The following GSKIP variants were observed in gnomAD, a reference collection of about 807,000 sequenced individuals.
GSKIP encodes GSK3B interacting protein.
Under a neutral mutation model 11.9 loss-of-function variants are expected in GSKIP, and 5 were observed. The observed-to-expected ratio is 0.42, with a 90% CI of 0.22 to 0.89. The LOEUF (loss-of-function observed/expected upper bound fraction) is 0.89. Ranked by LOEUF, GSKIP falls within the 40% of genes least tolerant of loss-of-function variation. The pLI is 0.29. For missense variants in GSKIP, 150 were observed against 166.6 expected (o/e 0.90, Z 0.55); for synonymous variants, 70 against 62.9 (o/e 1.11, Z -0.54).
chr14:96,369,862 G>A (rs1888995973), intron 1 of GSKIP, among the ~76,000 whole-genome samples: 1 of 152,142 alleles, frequency 6.6e-6, no homozygotes, highest in South Asian at 2.1e-4. Context: ...GAACAGGGAT[G>A]CCATGGGGAC....
chr14:96,386,208 A>G lies in GSKIP; in HGVS notation c.*524A>G, dbSNP rs975245473. The G allele has an allele frequency of 6.6e-6, 1 of 152,448 alleles. No homozygotes were observed. The highest frequency in any genetic ancestry group is 1.5e-5 in the Non-Finnish European group (1 of 68,060). The allele number at this position is 152,448 out of a possible 1,614,324, so 9.4% of individuals were successfully genotyped here. A position where few individuals can be genotyped will look rare whatever the true frequency, so the allele number is the denominator to read the frequency against. On this transcript the variant is annotated 3_prime_UTR_variant, in exon 4 of 4. Transcript: ENST00000555181. Reference sequence around the variant, plus strand: ...TCACTGCTTCACTTAATCTATTTATATTACTAATAATGGATTAATAAAGAT... The same window carrying G: ...TCACTGCTTCACTTAATCTATTTATGTTACTAATAATGGATTAATAAAGAT...
At chr14:96,382,208 A>G (rs969402453) in intron 2 of GSKIP, 39 bp from the exon 3 acceptor site, 5 of 1,472,416 alleles carry the variant, frequency 3.4e-6, no homozygotes, top group Middle Eastern at 2.0e-4. Flanking sequence ...ATGTCTTTCT[A>G]TAAACAAATT....
At chr14:96,368,876 A>G (rs1364541460) in intron 1 of GSKIP, among the ~76,000 whole-genome samples, 1 of 152,234 alleles carries the variant, frequency 6.6e-6, no homozygotes, top group African/African-American at 2.4e-5. Flanking sequence ...AAGAGACTTG[A>G]AAATGCGGAA....
chr14:96,376,542 G>A (rs1384630537), intron 1 of GSKIP, among the ~76,000 whole-genome samples: 2 of 152,124 alleles, frequency 1.3e-5, no homozygotes, highest in Admixed American at 1.3e-4. Context: ...ACCTTATTTT[G>A]TAGATGAGAC....
At chr14:96,373,991 A>G (rs977747314) in intron 1 of GSKIP, among the ~76,000 whole-genome samples, 6 of 152,254 alleles carry the variant, frequency 3.9e-5, no homozygotes, top group African/African-American at 1.4e-4. Flanking sequence ...GAGCAGCAGA[A>G]TATAACCTAC....
chr14:96,371,224 A>T, intron 1 of GSKIP, among the ~76,000 whole-genome samples: 1 of 152,222 alleles, frequency 6.6e-6, no homozygotes, highest in African/African-American at 2.4e-5. Flanking sequence ...AAATGCAGAT[A>T]AATTCAGAAC....
intron 1 of GSKIP, chr14:96,364,215 C>T (rs576388235): frequency 6.6e-6 from 1 of 152,368 alleles, no homozygotes; most frequent in Admixed American, 6.5e-5. Flanking sequence ...AAGTCAACCT[C>T]GAAAGGCCTG....
In GSKIP at chr14:96,385,592, T is replaced by C. The variant is rs148729830; in HGVS notation, c.328T>C (p.Leu110=). Residue 110 remains leucine, a synonymous_variant, in exon 4 of 4, where the codon TTG becomes CTG. Transcript: ENST00000555181. ...TCCCTACCATGAAACAGTCTACTCC[T>C]TGTTGGATACACTCAGCCCCGCCTA... The part of the protein sequence containing the change: ...QTPYHETVYS[L]LDTLSPAYRE... 1.2e-6 allele frequency: 2 copies of C among 1,613,202 alleles called. No individual in the cohort carries two copies. The highest frequency in any genetic ancestry group is 1.3e-5 in the African/African-American group (1 of 74,878).
At chr14:96,374,821 G>T (rs1889151847) in intron 1 of GSKIP, among the ~76,000 whole-genome samples, 1 of 152,194 alleles carries the variant, frequency 6.6e-6, no homozygotes, top group Non-Finnish European at 1.5e-5. Flanking sequence ...TACAGGAAAT[G>T]TTGAAAGAAG....
chr14:96,385,463 G>A, intron 3 of GSKIP, 60 bp from the exon 4 acceptor site: 2 of 1,385,002 alleles, frequency 1.4e-6, no homozygotes, highest in East Asian at 2.3e-5. Context: ...TAAACACTTG[G>A]ATTTTGCTTT....
chr14:96,371,822 A>G (rs888387922), intron 1 of GSKIP, among the ~76,000 whole-genome samples: 1 of 152,190 alleles, frequency 6.6e-6, no homozygotes, highest in Non-Finnish European at 1.5e-5. Flanking sequence ...AACTTAGAGA[A>G]GGCCTAACTC....
At chr14:96,371,898 G>T (rs911048910) in intron 1 of GSKIP, among the ~76,000 whole-genome samples, 1 of 151,980 alleles carries the variant, frequency 6.6e-6, no homozygotes, top group Admixed American at 6.6e-5. Flanking sequence ...TGCCAGACAC[G>T]GTGCCTGAAA....
chr14:96,369,674 A>C (rs547445371), intron 1 of GSKIP, among the ~76,000 whole-genome samples: 1 of 152,318 alleles, frequency 6.6e-6, no homozygotes, highest in South Asian at 2.1e-4. Flanking sequence ...TGGGGCACAG[A>C]ATGCAAAAGT....
intron 1 of GSKIP, among the ~76,000 whole-genome samples, chr14:96,371,993 A>G (rs1889061912): frequency 6.6e-6 from 1 of 152,200 alleles, no homozygotes; most frequent in Non-Finnish European, 1.5e-5. Flanking sequence ...ACTCGAATGT[A>G]CCTTTTAGAG....
chr14:96,368,997 A>G (rs2139929068), intron 1 of GSKIP, among the ~76,000 whole-genome samples: 1 of 152,344 alleles, frequency 6.6e-6, no homozygotes, highest in East Asian at 1.9e-4. Flanking sequence ...AATGGTTGTG[A>G]CCAAAATGCT....
chr14:96,375,303 ACT>A (rs1423940881), intron 1 of GSKIP, among the ~76,000 whole-genome samples: 1 of 152,194 alleles, frequency 6.6e-6, no homozygotes, highest in East Asian at 1.9e-4. Flanking sequence ...GCAAATTCAC[ACT>A]CAACTATATC....
At chr14:96,369,175 T>G (rs1172944645) in intron 1 of GSKIP, among the ~76,000 whole-genome samples, 1 of 152,200 alleles carries the variant, frequency 6.6e-6, no homozygotes, top group Non-Finnish European at 1.5e-5. Context: ...AGTGATGACC[T>G]AGAGTATCTG....
intron 1 of GSKIP, among the ~76,000 whole-genome samples, chr14:96,372,968 C>G (rs188829556): frequency 2.5e-4 from 38 of 152,100 alleles, no homozygotes; most frequent in Admixed American, 5.9e-4. Context: ...CTGTGGCTCA[C>G]GCCTGTAATC....
intron 1 of GSKIP, among the ~76,000 whole-genome samples, chr14:96,375,406 TAAAGA>T (rs760080346): frequency 1.4e-3 from 217 of 150,938 alleles, no homozygotes; most frequent in Non-Finnish European, 2.1e-3. Context: ...CGAAAATTTA[TAAAGA>T]AAAGAAATTT....
Sources: gnomAD v4.1 joint callset for allele counts (sites outside exome capture counted in the v4.1 genomes callset) on GRCh38, gnomAD v4.1.1 for gene constraint, MANE v1.5 for transcripts, NCBI Gene and HGNC (gene_info 2026-07-23, HGNC 2026-07-21) for gene names.